FHIT: variants seen among roughly 807,000 people sequenced by gnomAD.
The protein encoded by FHIT is bis(5'-adenosyl)-triphosphatase.
FHIT carries 19 observed loss-of-function variants against 17.9 expected under a neutral mutation model. The observed-to-expected ratio is 1.06, with a 90% CI of 0.74 to 1.56. The LOEUF (loss-of-function observed/expected upper bound fraction) is 1.56. Ranked by LOEUF, FHIT falls within the 40% of genes most tolerant of loss-of-function variation. FHIT has a pLI of 0.00. For missense variants in FHIT, 248 were observed against 189.2 expected (o/e 1.31, Z -1.82); for synonymous variants, 81 against 69.7 (o/e 1.16, Z -0.81).
intron 4 of FHIT, among the ~76,000 whole-genome samples, chr3:60,561,065 T>C (rs1349160340): frequency 2.0e-5 from 3 of 152,034 alleles, no homozygotes; most frequent in Admixed American, 6.5e-5. Context: ...GATTCATTCA[T>C]TGCACTTTTC....
chr3:61,112,789 T>C (rs1244262433), intron 2 of FHIT, among the ~76,000 whole-genome samples: 3 of 152,134 alleles, frequency 2.0e-5, no homozygotes, highest in South Asian at 4.1e-4. Context: ...TACCAGAGAA[T>C]GAAGATCCCC....
chr3:60,789,154 G>GTATATATA (rs1409661796), intron 4 of FHIT, among the ~76,000 whole-genome samples: 12 of 117,564 alleles, frequency 1.0e-4, no homozygotes, highest in African/African-American at 4.1e-4. Flanking sequence ...GTGTGTGTGT[G>GTATATATA]TGTATATATA....
chr3:60,549,658 A>C (rs2036481739), intron 4 of FHIT, among the ~76,000 whole-genome samples: 1 of 152,198 alleles, frequency 6.6e-6, no homozygotes, highest in Non-Finnish European at 1.5e-5. Flanking sequence ...GCTAATAAAA[A>C]TTTGTCATGA....
chr3:60,445,346 T>C (rs2031251142), intron 5 of FHIT, among the ~76,000 whole-genome samples: 1 of 152,072 alleles, frequency 6.6e-6, no homozygotes, highest in South Asian at 2.1e-4. Context: ...AGACTGTATC[T>C]AAAATGTTGT....
intron 2 of FHIT, among the ~76,000 whole-genome samples, chr3:61,167,793 T>C (rs1268534812): frequency 6.6e-6 from 1 of 152,114 alleles, no homozygotes; most frequent in Admixed American, 6.6e-5. Flanking sequence ...TCAATGTTTT[T>C]GGAGGCCCAA....
chr3:60,870,871 G>A (rs1553754867), intron 3 of FHIT, among the ~76,000 whole-genome samples: 1 of 152,082 alleles, frequency 6.6e-6, no homozygotes, highest in Non-Finnish European at 1.5e-5. Flanking sequence ...CATGGTAAAT[G>A]AGTGTACCCC....
Position 60,477,009 on chromosome 3 carries a change from C to T in FHIT, c.103+59851G>A, listed in dbSNP as rs761239102. Among the ~76,000 whole-genome samples the T allele has an allele frequency of 3.4e-4, 52 of 151,848 alleles. 1 individual carries two copies. Among genetic ancestry groups the T allele is most frequent in the Non-Finnish European group, 7.1e-4 (48 of 67,998 alleles). Reference sequence around the variant, plus strand: ...TGTATGGTTTGTATATGTTTAAGTACGTATATACAGTTTCGTTTACATGCA... The same window carrying T: ...TGTATGGTTTGTATATGTTTAAGTATGTATATACAGTTTCGTTTACATGCA... On this transcript the variant is annotated intron_variant, in intron 5 of 9. Transcript: ENST00000492590.
intron 7 of FHIT, among the ~76,000 whole-genome samples, chr3:59,989,028 G>A (rs1364072870): frequency 6.6e-6 from 1 of 152,024 alleles, no homozygotes; most frequent in Non-Finnish European, 1.5e-5. Context: ...AGCAGTTTGG[G>A]GTAGGGATGA....
intron 8 of FHIT, among the ~76,000 whole-genome samples, chr3:59,800,530 G>A (rs2106973778): frequency 6.6e-6 from 1 of 152,308 alleles, no homozygotes; most frequent in East Asian, 1.9e-4. Context: ...AGAGTTACAA[G>A]ACACATTTTC....
intron 7 of FHIT, among the ~76,000 whole-genome samples, chr3:59,935,395 G>T (rs1277219793): frequency 6.6e-6 from 1 of 152,050 alleles, no homozygotes; most frequent in Non-Finnish European, 1.5e-5. Flanking sequence ...GTTTTAAAGA[G>T]CATGCTCAAA....
At chr3:61,191,935 A>G (rs57920557) in intron 2 of FHIT, among the ~76,000 whole-genome samples, 7,810 of 152,278 alleles carry the variant, frequency 0.051, 241 homozygotes, top group Middle Eastern at 0.12. Context: ...TGATTTAGGA[A>G]GGAGCATGGG....
At chr3:60,221,458 G>A (rs748391949) in intron 5 of FHIT, among the ~76,000 whole-genome samples, 60 of 152,202 alleles carry the variant, frequency 3.9e-4, no homozygotes, top group Middle Eastern at 6.8e-3. Context: ...TCTCCAGTCA[G>A]CAACTATAGA....
intron 9 of FHIT, 52 bp from the exon 10 acceptor site, chr3:59,749,631 C>A (rs150081245): frequency 1.5e-3 from 346 of 230,664 alleles, no homozygotes; most frequent in African/African-American, 6.7e-3. Flanking sequence ...CATCAGAAAT[C>A]TTCTCTGTAG....
At chr3:60,560,455 C>T (rs1363814300) in intron 4 of FHIT, among the ~76,000 whole-genome samples, 1 of 152,098 alleles carries the variant, frequency 6.6e-6, no homozygotes, top group African/African-American at 2.4e-5. Context: ...TGAATGGCTA[C>T]TAGGCAGTTC....
chr3:60,899,826 GA>G (rs1446990957), intron 3 of FHIT, among the ~76,000 whole-genome samples: 1 of 152,182 alleles, frequency 6.6e-6, no homozygotes, highest in Admixed American at 6.5e-5. Context: ...GGCTTATGGG[GA>G]TGGAATGTGA....
chr3:60,503,576 T>C (rs2034608366), intron 5 of FHIT, among the ~76,000 whole-genome samples: 1 of 152,130 alleles, frequency 6.6e-6, no homozygotes, highest in South Asian at 2.1e-4. Flanking sequence ...TGACTTCTAA[T>C]AGTGAAAGTT....
intron 4 of FHIT, among the ~76,000 whole-genome samples, chr3:60,555,039 C>T (rs771745652): frequency 2.6e-5 from 4 of 152,278 alleles, no homozygotes; most frequent in Admixed American, 6.5e-5. Flanking sequence ...ACATTTTTTA[C>T]GTAACAGTGT....
chr3:59,777,494 G>A (rs1401054309), intron 8 of FHIT, among the ~76,000 whole-genome samples: 1 of 152,020 alleles, frequency 6.6e-6, no homozygotes. Flanking sequence ...TAGCTTCTGA[G>A]CCTTTGCACC....
At chr3:60,353,214 G>A (rs1250272352) in intron 5 of FHIT, among the ~76,000 whole-genome samples, 2 of 152,052 alleles carry the variant, frequency 1.3e-5, no homozygotes, top group Non-Finnish European at 2.9e-5. Flanking sequence ...CCATGAAGCT[G>A]AATCCTCCAC....
Sources: allele counts gnomAD v4.1 joint callset (sites outside exome capture counted in the v4.1 genomes callset), GRCh38; gene constraint gnomAD v4.1.1; transcripts MANE v1.5; gene names NCBI Gene and HGNC (gene_info 2026-07-23, HGNC 2026-07-21).